TNPO3: variants seen among roughly 807,000 people sequenced by gnomAD.
TNPO3 encodes transportin-3.
Under a neutral mutation model 122.8 loss-of-function variants are expected in TNPO3, and 65 were observed. The ratio of observed to expected loss-of-function variants is 0.53; its 90% CI spans 0.43 to 0.65. TNPO3 has a LOEUF of 0.65. TNPO3 is among the 30% of genes least tolerant of loss of function. The pLI is 0.00. For missense variants in TNPO3, 850 were observed against 1,136.7 expected (o/e 0.75, Z 3.63); for synonymous variants, 372 against 411.2 (o/e 0.90, Z 1.15).
chr7:129,022,331 A>G (rs1161833644), intron 1 of TNPO3, among the ~76,000 whole-genome samples: 1 of 152,084 alleles, frequency 6.6e-6, no homozygotes, highest in South Asian at 2.1e-4. Context: ...GTTATAGTGC[A>G]CTATGATCCT....
At position 128,955,310 on chromosome 7, in the gene TNPO3, C is replaced by G; in HGVS notation, c.*107G>C. The G allele has an allele frequency of 4.4e-6, 2 of 455,478 alleles. No homozygotes were observed. Among genetic ancestry groups the G allele is most frequent in the Non-Finnish European group, 8.8e-6 (2 of 226,898 alleles). The allele number at this position is 455,478 out of a possible 1,614,324, so 28.2% of individuals were successfully genotyped here. ...CTGGTGGCGGTGAAGGCCCCTCTGC[C>G]ACAACGGAGGTTTCTGATTGTGGGA... is the stretch of plus-strand genomic sequence containing the variant. On this transcript the variant is annotated 3_prime_UTR_variant, in exon 23 of 23. Coordinates refer to ENST00000265388, the MANE Select transcript of TNPO3 (RefSeq NM_012470.4).
At chr7:129,004,596 A>C (rs914803794) in intron 5 of TNPO3, among the ~76,000 whole-genome samples, 1 of 152,164 alleles carries the variant, frequency 6.6e-6, no homozygotes, top group African/African-American at 2.4e-5. Context: ...TTAATCTATA[A>C]TTGTCTCTGG....
intron 1 of TNPO3, among the ~76,000 whole-genome samples, chr7:129,034,320 A>C (rs1197909295): frequency 6.6e-6 from 1 of 152,102 alleles, no homozygotes; most frequent in Non-Finnish European, 1.5e-5. Context: ...CTAGGAGTTC[A>C]GGACCAGTCT....
chr7:128,983,043 T>C (rs6948928), intron 13 of TNPO3, among the ~76,000 whole-genome samples: 96,794 of 151,972 alleles, frequency 0.64, 31,140 homozygotes, highest in Middle Eastern at 0.7. Context: ...ACTGAATAGG[T>C]CCCTCCTGTT....
chr7:129,039,815 G>A (rs915791573), intron 1 of TNPO3, among the ~76,000 whole-genome samples: 4 of 152,122 alleles, frequency 2.6e-5, no homozygotes, highest in African/African-American at 9.7e-5. Flanking sequence ...AAAGAAGACA[G>A]TCACAAAGGA....
At chr7:128,969,043 T>C (rs1271263484) in intron 20 of TNPO3, among the ~76,000 whole-genome samples, 1 of 152,196 alleles carries the variant, frequency 6.6e-6, no homozygotes, top group East Asian at 1.9e-4. Context: ...AGTACACTCC[T>C]TAGAGTACAT....
intron 21 of TNPO3, among the ~76,000 whole-genome samples, chr7:128,957,788 T>C (rs1054610146): frequency 3.9e-5 from 6 of 152,316 alleles, no homozygotes; most frequent in Non-Finnish European, 4.4e-5. Context: ...CTTCCAAAGA[T>C]AGATTTTGTT....
At chr7:129,010,341 A>G (rs1350925842) in intron 4 of TNPO3, among the ~76,000 whole-genome samples, 1 of 149,094 alleles carries the variant, frequency 6.7e-6, no homozygotes, top group Admixed American at 6.7e-5. Context: ...TTAATGTATT[A>G]TTTTTTTTTT....
intron 1 of TNPO3, among the ~76,000 whole-genome samples, chr7:129,021,248 G>A (rs905511253): frequency 8.6e-5 from 13 of 151,898 alleles, no homozygotes; most frequent in Non-Finnish European, 1.9e-4. Context: ...CCAGCTACTC[G>A]GGAGGCTGAG....
At chr7:129,016,910 T>G (rs541798521) in intron 3 of TNPO3, 73 bp downstream of exon 3, 2 of 1,296,150 alleles carry the variant, frequency 1.5e-6, no homozygotes, top group African/African-American at 2.9e-5. Context: ...TATCTAGCTA[T>G]TGCTAACAAA....
At chr7:129,020,808 AAC>A (rs1405778193) in intron 1 of TNPO3, among the ~76,000 whole-genome samples, 2 of 152,224 alleles carry the variant, frequency 1.3e-5, no homozygotes, top group African/African-American at 2.4e-5. Context: ...CCTCAAAAAA[AAC>A]AGAGCATTAG....
At chr7:129,026,650 C>T (rs1384141692) in intron 1 of TNPO3, among the ~76,000 whole-genome samples, 1 of 151,994 alleles carries the variant, frequency 6.6e-6, no homozygotes, top group Non-Finnish European at 1.5e-5. Context: ...GTGATCTGCC[C>T]GCCTTGGTCT....
chr7:129,000,312 T>C (rs1243354694), intron 7 of TNPO3, 117 bp downstream of exon 7: 2 of 1,176,248 alleles, frequency 1.7e-6, no homozygotes, highest in East Asian at 4.9e-5. Context: ...ATCACATTAA[T>C]TAAAAACAAG....
intron 1 of TNPO3, among the ~76,000 whole-genome samples, chr7:129,045,580 C>T (rs1305189702): frequency 6.6e-6 from 1 of 151,626 alleles, no homozygotes; most frequent in African/African-American, 2.4e-5. Flanking sequence ...ACCTACTTTC[C>T]ATTTCCTCCA....
intron 1 of TNPO3, among the ~76,000 whole-genome samples, chr7:129,019,212 C>T (rs758482768): frequency 6.6e-6 from 1 of 152,196 alleles, no homozygotes; most frequent in Non-Finnish European, 1.5e-5. Flanking sequence ...CAATATCGTG[C>T]AGTAGATTGT....
intron 4 of TNPO3, among the ~76,000 whole-genome samples, chr7:129,008,377 A>C (rs943773606): frequency 4.0e-5 from 6 of 151,664 alleles, no homozygotes; most frequent in African/African-American, 1.5e-4. Flanking sequence ...AAATAAAACA[A>C]CACTTTAAAA....
At chr7:128,959,822 G>C (rs560144085) in intron 21 of TNPO3, among the ~76,000 whole-genome samples, 3 of 152,274 alleles carry the variant, frequency 2.0e-5, no homozygotes, top group African/African-American at 7.2e-5. Context: ...AGGAGTTTGA[G>C]ACCAGCCTGG....
chr7:128,991,358 C>CT (rs1293898201), intron 10 of TNPO3, among the ~76,000 whole-genome samples: 1 of 152,188 alleles, frequency 6.6e-6, no homozygotes, highest in East Asian at 1.9e-4. Flanking sequence ...CAGAGCTTGA[C>CT]TGCAGGTATC....
intron 20 of TNPO3, among the ~76,000 whole-genome samples, chr7:128,968,627 A>G (rs1033728959): frequency 1.3e-5 from 2 of 152,230 alleles, no homozygotes; most frequent in African/African-American, 4.8e-5. Context: ...AGTATTATAA[A>G]TGCTCATGAA....
Sources: gnomAD v4.1 joint callset for allele counts (sites outside exome capture counted in the v4.1 genomes callset) on GRCh38, gnomAD v4.1.1 for gene constraint, MANE v1.5 for transcripts, NCBI Gene and HGNC (gene_info 2026-07-23, HGNC 2026-07-21) for gene names.